GRK5: variants seen among roughly 807,000 people sequenced by gnomAD.
The protein encoded by GRK5 is g protein-coupled receptor kinase GRK5.
GRK5 carries 40 observed loss-of-function variants against 78.4 expected under a neutral mutation model. That is an observed-to-expected ratio of 0.51 (90% CI 0.40 to 0.66). The LOEUF is 0.66. Ranked by LOEUF, GRK5 falls within the 30% of genes least tolerant of loss-of-function variation. The probability of loss-of-function intolerance (pLI) is 0.00; values close to 1 mark genes in which losing one functional copy is unlikely to be tolerated. For synonymous variants in GRK5, 289 were observed against 296.8 expected, an observed-to-expected ratio of 0.97 and a Z score of 0.27; for missense variants, 598 against 759.9, an observed-to-expected ratio of 0.79 and a Z score of 2.50.
At chr10:119,417,825 G>A (rs1852492505) in intron 4 of GRK5, among the ~76,000 whole-genome samples, 1 of 152,160 alleles carries the variant, frequency 6.6e-6, no homozygotes, top group Admixed American at 6.5e-5. Context: ...TCGGTGGGGG[G>A]TCTGCCCTAC....
intron 1 of GRK5, among the ~76,000 whole-genome samples, chr10:119,239,510 A>G (rs1311789765): frequency 6.6e-6 from 1 of 152,160 alleles, no homozygotes; most frequent in Non-Finnish European, 1.5e-5. Flanking sequence ...TCCTGGGATT[A>G]CAGGCATGAG....
At chr10:119,390,339 C>T (rs1439484585) in intron 3 of GRK5, among the ~76,000 whole-genome samples, 1 of 152,196 alleles carries the variant, frequency 6.6e-6, no homozygotes, top group East Asian at 1.9e-4. Flanking sequence ...AGGCACGTCT[C>T]ACATGGCGGG....
At chr10:119,213,924 C>G (rs1439170802) in intron 1 of GRK5, among the ~76,000 whole-genome samples, 1 of 152,100 alleles carries the variant, frequency 6.6e-6, no homozygotes, top group Non-Finnish European at 1.5e-5. Flanking sequence ...TGTGAAATGA[C>G]TGAAAAGATG....
chr10:119,306,587 G>T (rs559722159), intron 1 of GRK5, among the ~76,000 whole-genome samples: 2 of 152,128 alleles, frequency 1.3e-5, no homozygotes, highest in African/African-American at 4.8e-5. Context: ...TGACACTTGC[G>T]GGGCAGAGCA....
chr10:119,246,121 T>G (rs1849107703), intron 1 of GRK5, among the ~76,000 whole-genome samples: 1 of 151,468 alleles, frequency 6.6e-6, no homozygotes, highest in Non-Finnish European at 1.5e-5. Context: ...TATACAGTTA[T>G]CCCTTAGTAT....
intron 1 of GRK5, among the ~76,000 whole-genome samples, chr10:119,317,461 G>C (rs1001726685): frequency 2.0e-5 from 3 of 151,978 alleles, no homozygotes; most frequent in African/African-American, 7.3e-5. Flanking sequence ...GGGAGAGTTG[G>C]GGGGAAGCGG....
At chr10:119,302,767 T>TG (rs1208565246) in intron 1 of GRK5, among the ~76,000 whole-genome samples, 2 of 151,678 alleles carry the variant, frequency 1.3e-5, no homozygotes, top group Admixed American at 1.3e-4. Context: ...CAGGAGAGGG[T>TG]GGGGGCCTGG....
intron 12 of GRK5, among the ~76,000 whole-genome samples, 181 bp downstream of exon 12, chr10:119,443,933 G>A (rs930099862): frequency 1.3e-5 from 2 of 152,164 alleles, no homozygotes; most frequent in Admixed American, 6.5e-5. Context: ...GGGGTGGTCA[G>A]CGGAGACTTC....
chr10:119,283,845 A>G (rs978341046), intron 1 of GRK5, among the ~76,000 whole-genome samples: 1 of 152,196 alleles, frequency 6.6e-6, no homozygotes, highest in Non-Finnish European at 1.5e-5. Flanking sequence ...TGGCAAGAGA[A>G]TGTTTCAAGG....
At chr10:119,383,807 T>C (rs1197797797) in intron 3 of GRK5, among the ~76,000 whole-genome samples, 1 of 152,190 alleles carries the variant, frequency 6.6e-6, no homozygotes, top group Non-Finnish European at 1.5e-5. Context: ...GCTCATCTTG[T>C]ACTAGATCCA....
intron 1 of GRK5, among the ~76,000 whole-genome samples, chr10:119,235,152 A>T (rs7918894): frequency 0.77 from 109,070 of 142,274 alleles, 41,089 homozygotes; most frequent in East Asian, 0.9. Context: ...ATTTTTTTTT[A>T]TTTTTTTTAT....
chr10:119,359,952 G>A (rs189509347), intron 2 of GRK5, among the ~76,000 whole-genome samples: 75 of 152,066 alleles, frequency 4.9e-4, no homozygotes, highest in Admixed American at 1.9e-3. Flanking sequence ...TGAGGAGGCT[G>A]AGGGGGCTTG....
chr10:119,324,258 T>G (rs911410489), intron 1 of GRK5, among the ~76,000 whole-genome samples: 42 of 152,264 alleles, frequency 2.8e-4, no homozygotes. Context: ...CTGCCAATTA[T>G]GAGCCACGGG....
chr10:119,432,498 A>G (rs1852839586), intron 8 of GRK5, among the ~76,000 whole-genome samples: 1 of 152,234 alleles, frequency 6.6e-6, no homozygotes. Flanking sequence ...CAAGGTAAAA[A>G]TTTAAACAGC....
intron 2 of GRK5, among the ~76,000 whole-genome samples, chr10:119,361,232 A>G (rs961019477): frequency 2.0e-5 from 3 of 152,222 alleles, no homozygotes; most frequent in Admixed American, 1.3e-4. Context: ...GGTGCGGCTC[A>G]TGGCAGGTGC....
At chr10:119,320,144 A>G (rs923246978) in intron 1 of GRK5, among the ~76,000 whole-genome samples, 1 of 152,214 alleles carries the variant, frequency 6.6e-6, no homozygotes, top group Non-Finnish European at 1.5e-5. Flanking sequence ...TGGGGGAACA[A>G]TGATGTATAC....
chr10:119,246,951 G>A (rs901561328), intron 1 of GRK5, among the ~76,000 whole-genome samples: 3 of 152,160 alleles, frequency 2.0e-5, no homozygotes, highest in African/African-American at 7.2e-5. Context: ...AGAGGGCCTC[G>A]CTGAGAGCCT....
At chr10:119,410,435 G>A (rs556803982) in intron 4 of GRK5, among the ~76,000 whole-genome samples, 1 of 152,282 alleles carries the variant, frequency 6.6e-6, no homozygotes, top group East Asian at 1.9e-4. Context: ...TTTCTTGAAG[G>A]GCTGCAGCTA....
chr10:119,235,845 T>C lies in GRK5; in HGVS notation c.52+27876T>C, dbSNP rs373658534. ...CTCAATAAGTACTTTGTGTAAATGG[T>C]GACTTTAGGAGCACCTGGATTCTGC... On this transcript the variant is annotated intron_variant, in intron 1 of 15. Transcript: ENST00000392870. Among the ~76,000 whole-genome samples, 33 of 152,248 alleles carry C rather than the reference T, an allele frequency of 2.2e-4. No individual in the cohort carries two copies. In the South Asian group the frequency reaches 5.8e-3, roughly 27 times the overall value.
Sources: gnomAD v4.1 joint callset for allele counts (sites outside exome capture counted in the v4.1 genomes callset) on GRCh38, gnomAD v4.1.1 for gene constraint, MANE v1.5 for transcripts, NCBI Gene and HGNC (gene_info 2026-07-23, HGNC 2026-07-21) for gene names.